The following CYGB variants were observed in gnomAD, a reference collection of about 807,000 sequenced individuals.
The protein encoded by CYGB is cytoglobin.
A neutral mutation model predicts 20.7 loss-of-function variants in CYGB; 13 were observed. The observed-to-expected ratio is 0.63, with a 90% CI of 0.41 to 1.00. CYGB has a LOEUF of 1.00. Among genes scored for constraint, CYGB ranks in the 50% least tolerant of loss-of-function variants. CYGB has a pLI of 0.00. For missense variants in CYGB, 218 were observed against 257.2 expected, an observed-to-expected ratio of 0.85 and a Z score of 1.04; for synonymous variants, 93 against 107.4, an observed-to-expected ratio of 0.87 and a Z score of 0.83.
rs1220028790 is a variant in CYGB, at chr17:76,532,608, T to G, written c.144-917A>C. On this transcript the variant is annotated intron_variant, in intron 1 of 3. Transcript: ENST00000293230. ...GTGTGGTGGTGCAATCTTGGCTCGC[T>G]GCAACCTCTGCCTCCTGGGTTCAAG... is the stretch of plus-strand genomic sequence containing the variant. Among the ~76,000 whole-genome samples, 21 of 150,552 alleles carry G rather than the reference T, an allele frequency of 1.4e-4. No individual in the cohort carries two copies. The Admixed American group carries it at 1.4e-3, about 10-fold the overall frequency.
intron 1 of CYGB, chr17:76,544,462 TC>T (rs1378838542): frequency 4.4e-6 from 2 of 455,226 alleles, no homozygotes; most frequent in Admixed American, 4.7e-5. Flanking sequence ...TGCTGGTACC[TC>T]GGGGAGCCTG....
chr17:76,548,849 CA>C (rs1445967464), intron 1 of CYGB, among the ~76,000 whole-genome samples: 1 of 152,206 alleles, frequency 6.6e-6, no homozygotes, highest in Non-Finnish European at 1.5e-5. Flanking sequence ...CACTTGACAA[CA>C]GGCAGCACAC....
At chr17:76,545,383 G>A in intron 1 of CYGB, 1 of 456,670 alleles carries the variant, frequency 2.2e-6, no homozygotes, top group South Asian at 1.5e-5. Context: ...TGTCCCCACT[G>A]AGGCTGAGTC....
chr17:76,529,402 G>A (rs149528597), intron 3 of CYGB: 526 of 985,390 alleles, frequency 5.3e-4, no homozygotes, highest in Non-Finnish European at 6.0e-4. Context: ...GACTTCGGCC[G>A]TTTCAAAATG....
chr17:76,536,306 A>T (rs2074913214), intron 1 of CYGB, among the ~76,000 whole-genome samples: 2 of 152,182 alleles, frequency 1.3e-5, no homozygotes, highest in Non-Finnish European at 2.9e-5. Context: ...GGCCACAGGG[A>T]GAAGAAGCTG....
chr17:76,538,801 C>T (rs2074953211), upstream of CYGB, among the ~76,000 whole-genome samples: 1 of 152,252 alleles, frequency 6.6e-6, no homozygotes, highest in African/African-American at 2.4e-5. Flanking sequence ...TGAGGCCAGA[C>T]AGGGCCTGGC....
At position 76,537,494 on chromosome 17, in the gene CYGB, C is replaced by T. The variant is rs1404792483; in HGVS notation, c.49G>A (p.Glu17Lys). The T allele has an allele frequency of 6.3e-7, 1 of 1,583,470 alleles. No individual in the cohort carries two copies. Among genetic ancestry groups the T allele is most frequent in the East Asian group, 2.5e-5 (1 of 40,686 alleles). ...TTCCTCTCCGCCTCGGACAGCTCCTCGCTCCGCTCCCTGCGCTCGATCTCC... is the reference window on the plus strand; with the variant it reads ...TTCCTCTCCGCCTCGGACAGCTCCTTGCTCCGCTCCCTGCGCTCGATCTCC... ...EMEIERRERSEELSEAERKAV... is the reference protein window; with the variant it reads ...EMEIERRERSKELSEAERKAV... Residue 17 changes from glutamate to lysine, a missense_variant, in exon 1 of 4, where the codon GAG becomes AAG. Coordinates refer to ENST00000293230, the MANE Select transcript of CYGB (RefSeq NM_134268.5).
At chr17:76,534,221 G>C (rs562869018) in intron 1 of CYGB, among the ~76,000 whole-genome samples, 1 of 143,652 alleles carries the variant, frequency 7.0e-6, no homozygotes, top group South Asian at 2.3e-4. Flanking sequence ...CTGTTGCCCA[G>C]GCTGCAGTGC....
rs1266114721 is a variant in CYGB, at chr17:76,531,620, A to T, written c.215T>A (p.Met72Lys). 6.2e-7 allele frequency: 1 copy of T among 1,613,276 alleles called. No individual in the cohort carries two copies. The highest frequency in any genetic ancestry group is 1.7e-5 in the Admixed American group (1 of 60,012). Residue 72 changes from methionine to lysine, a missense_variant, in exon 2 of 4, where the codon ATG becomes AAG. By Grantham distance (95) the Met-to-Lys change is moderately conservative. Around this residue, in one of 2 missense-constraint regions of CYGB, gnomAD observed 152 missense variants for 149.9 expected, o/e 1.01. Coordinates refer to ENST00000293230, the MANE Select transcript of CYGB (RefSeq NM_134268.5). The surrounding 1 kb of genome is among the most constrained non-coding windows in gnomAD (Gnocchi z 7.4). ...CTTCCGCAGCTGGGGGCTCCGCTCC[A>T]TCTCCAGGGGATCCTCCATGTGCTT... ...QFKHMEDPLE[M>K]ERSPQLRKHA...
chr17:76,536,344 A>T lies in CYGB; in HGVS notation c.143+1056T>A, dbSNP rs187628301. Reference sequence around the variant, plus strand: ...GATGGAGCAGGCCTGGTAGTCAAGGATGCACTAAAGCTGCCCTTCCAGAGC... The same window carrying T: ...GATGGAGCAGGCCTGGTAGTCAAGGTTGCACTAAAGCTGCCCTTCCAGAGC... On this transcript the variant is annotated intron_variant, in intron 1 of 3. Coordinates refer to ENST00000293230, the MANE Select transcript of CYGB (RefSeq NM_134268.5). Among the ~76,000 whole-genome samples the T allele has an allele frequency of 5.9e-5, 9 of 152,282 alleles. No individual in the cohort carries two copies. In the East Asian group the frequency reaches 1.4e-3, roughly 23 times the overall value.
rs953319333 is a variant in CYGB, at chr17:76,527,407, T to C, written c.*1171A>G. The stretch of plus-strand genomic sequence containing the variant: ...ACACAGCTGGGTCTGGTTACAAACA[T>C]CAGAAACTAGAAAAGGAGGACGGGC... On this transcript the variant is annotated 3_prime_UTR_variant, in exon 4 of 4. Coordinates refer to ENST00000293230, the MANE Select transcript of CYGB (RefSeq NM_134268.5). 1 of 361,796 alleles carries C rather than the reference T, an allele frequency of 2.8e-6. No homozygotes were observed. The highest frequency in any genetic ancestry group is 5.5e-6 in the Non-Finnish European group (1 of 183,482). The allele number at this position is 361,796 out of a possible 1,614,324, so 22.4% of individuals were successfully genotyped here.
At chr17:76,543,721 T>C in intron 1 of CYGB, 1 of 467,824 alleles carries the variant, frequency 2.1e-6, no homozygotes, top group South Asian at 1.6e-5. Flanking sequence ...AGCTATTCTG[T>C]TAAGCCGCCA....
chr17:76,528,146 A>T lies in CYGB; in HGVS notation c.*432T>A. The T allele has an allele frequency of 2.8e-6, 1 of 357,814 alleles. No individual in the cohort carries two copies. Among genetic ancestry groups the T allele is most frequent in the Non-Finnish European group, 4.9e-6 (1 of 203,690 alleles). 22.2% of individuals were successfully genotyped at this position (357,814 alleles called of 1,614,324 possible). A position where few individuals can be genotyped will look rare whatever the true frequency, so the allele number is the denominator to read the frequency against. On this transcript the variant is annotated 3_prime_UTR_variant, in exon 4 of 4. Transcript: ENST00000293230. The surrounding 1 kb of genome is among the most constrained non-coding windows in gnomAD (Gnocchi z 5.8). ...TATATATATATGTATATATATATTT[A>T]TATATAGCTCGTATATAGAATATAT... is the stretch of plus-strand genomic sequence containing the variant.
Position 76,527,937 on chromosome 17 carries a change from C to G in CYGB, c.*641G>C, listed in dbSNP as rs143827746. The G allele has an allele frequency of 7.7e-6, 3 of 389,400 alleles. No individual in the cohort carries two copies. Among genetic ancestry groups the G allele is most frequent in the Non-Finnish European group, 1.6e-5 (3 of 190,480 alleles). 24.1% of individuals were successfully genotyped at this position (389,400 alleles called of 1,614,324 possible). ...GGTCTGAGAAGGGGCTGGGCTTTGC[C>G]GCCAAGCCGGGTTGCCCCAGCCCTG... On this transcript the variant is annotated 3_prime_UTR_variant, in exon 4 of 4. Transcript: ENST00000293230.
upstream of CYGB, chr17:76,540,357 GCA>G (rs1040410887): frequency 2.1e-4 from 269 of 1,281,012 alleles, no homozygotes; most frequent in East Asian, 9.7e-5. This position sits in a 1 kb window ranked among gnomAD's most constrained non-coding sequence, Gnocchi z 5.0. Flanking sequence ...CCTTGAGAGA[GCA>G]CAGTCTCAGA....
At chr17:76,548,126 T>C (rs2075073219) in intron 1 of CYGB, among the ~76,000 whole-genome samples, 1 of 150,774 alleles carries the variant, frequency 6.6e-6, no homozygotes, top group Non-Finnish European at 1.5e-5. Context: ...TAATCACAGA[T>C]ACACATGCAT....
At chr17:76,547,917 CACACAT>C (rs1453774135) in intron 1 of CYGB, among the ~76,000 whole-genome samples, 3 of 151,006 alleles carry the variant, frequency 2.0e-5, no homozygotes, top group African/African-American at 7.3e-5. Context: ...CACATTCACA[CACACAT>C]ACACATATAC....
At chr17:76,540,266 T>TGG (rs2074974709), upstream of CYGB, 6 of 351,956 alleles carry the variant, frequency 1.7e-5, no homozygotes, top group Admixed American at 6.0e-5. The surrounding 1 kb of genome is among the most constrained non-coding windows in gnomAD (Gnocchi z 5.0). Flanking sequence ...GGGGGGGGCA[T>TGG]GGGGCTGGGC....
chr17:76,540,084 G>C, upstream of CYGB: 1 of 1,544,582 alleles, frequency 6.5e-7, no homozygotes, highest in South Asian at 1.2e-5. The surrounding 1 kb of genome is among the most constrained non-coding windows in gnomAD (Gnocchi z 5.0). Flanking sequence ...GGCCATTTTG[G>C]CCCCTCGCCT....
Sources: allele counts gnomAD v4.1 joint callset (sites outside exome capture counted in the v4.1 genomes callset), GRCh38; gene constraint gnomAD v4.1.1; regional missense constraint gnomAD v4.1.1; non-coding constraint Gnocchi (gnomAD v3.1); transcripts MANE v1.5; gene names NCBI Gene and HGNC (gene_info 2026-07-23, HGNC 2026-07-21).